The following WRN variants were observed in gnomAD, a reference collection of about 807,000 sequenced individuals.
WRN encodes the protein WRN RecQ like helicase, also known as bifunctional 3'-5' exonuclease/ATP-dependent helicase WRN.
A neutral mutation model predicts 180.7 loss-of-function variants in WRN; 149 were observed. That is an observed-to-expected ratio of 0.82 (90% CI 0.72 to 0.94). The LOEUF (loss-of-function observed/expected upper bound fraction) is 0.94. WRN is among the 40% of genes least tolerant of loss of function. WRN has a pLI of 0.00. For synonymous variants in WRN, 548 were observed against 568.9 expected, an observed-to-expected ratio of 0.96 and a Z score of 0.52; for missense variants, 1,661 against 1,700.1, an observed-to-expected ratio of 0.98 and a Z score of 0.40.
chr8:31,074,626 G>A (rs1277773716), intron 7 of WRN, among the ~76,000 whole-genome samples: 1 of 152,118 alleles, frequency 6.6e-6, no homozygotes, highest in Non-Finnish European at 1.5e-5. Context: ...TGTCATCATC[G>A]ATGTGTTTAT....
chr8:31,058,650 G>A, intron 2 of WRN, 107 bp downstream of exon 2: 2 of 1,161,662 alleles, frequency 1.7e-6, no homozygotes, highest in Non-Finnish European at 2.5e-6. Flanking sequence ...TTAGGTCAGA[G>A]TTGCTGTTGT....
chr8:31,054,761 C>T (rs563436546), intron 1 of WRN, among the ~76,000 whole-genome samples: 1 of 152,088 alleles, frequency 6.6e-6, no homozygotes, highest in African/African-American at 2.4e-5. Context: ...ATTTTAAGTT[C>T]CAGGATACAT....
chr8:31,131,187 T>C (rs1390862049), intron 23 of WRN, among the ~76,000 whole-genome samples: 4 of 55,912 alleles, frequency 7.2e-5, no homozygotes, highest in Non-Finnish European at 1.1e-4. Flanking sequence ...AGTTTTGCTC[T>C]TGTCACCCAG....
At chr8:31,165,264 G>T (rs953517962) in intron 33 of WRN, among the ~76,000 whole-genome samples, 1 of 151,860 alleles carries the variant, frequency 6.6e-6, no homozygotes, top group African/African-American at 2.4e-5. Context: ...ATAGTATGAA[G>T]AAATTAATCA....
intron 1 of WRN, among the ~76,000 whole-genome samples, chr8:31,042,983 C>T (rs1811715151): frequency 6.6e-6 from 1 of 152,176 alleles, no homozygotes; most frequent in African/African-American, 2.4e-5. Flanking sequence ...ATCCTGTCAA[C>T]AAGAGTGTCT....
rs1060500069 is a variant in WRN at position 31,096,791 on chromosome 8, T to A, written c.1922T>A (p.Val641Glu). 2 of 1,612,834 alleles carry A rather than the reference T, an allele frequency of 1.2e-6. No individual in the cohort carries two copies. Among genetic ancestry groups the A allele is most frequent in the African/African-American group, 2.7e-5 (2 of 74,970 alleles). ...IKLGKYRIVYVTPEYCSGNMG... is the reference protein window; with the variant it reads ...IKLGKYRIVYETPEYCSGNMG... ...AGAGGTAAATACCGGATTGTATACG[T>A]AACTCCAGAATACTGTTCAGGTAAC... Residue 641 changes from valine to glutamate, a missense_variant, in exon 17 of 35, where the codon GTA becomes GAA. Around this residue, in one of 3 missense-constraint regions of WRN, gnomAD observed 1,141 missense variants for 1,149.4 expected, o/e 0.99. Coordinates refer to ENST00000298139, the MANE Select transcript of WRN (RefSeq NM_000553.6).
At chr8:31,067,345 A>C (rs1008491153) in intron 6 of WRN, among the ~76,000 whole-genome samples, 163 bp downstream of exon 6, 3 of 152,186 alleles carry the variant, frequency 2.0e-5, no homozygotes, top group African/African-American at 7.2e-5. Flanking sequence ...GAAACTATTC[A>C]TTTTCGATAT....
At chr8:31,108,051 T>C (rs957485144) in intron 18 of WRN, among the ~76,000 whole-genome samples, 3 of 152,246 alleles carry the variant, frequency 2.0e-5, no homozygotes, top group Non-Finnish European at 2.9e-5. Flanking sequence ...GGGATACTTA[T>C]ACTTTTCTCA....
chr8:31,091,090 T>C (rs1374998483), intron 15 of WRN, 148 bp downstream of exon 15: 6 of 720,298 alleles, frequency 8.3e-6, no homozygotes, highest in Admixed American at 2.0e-5. Context: ...AATGACCCTT[T>C]AGTGGAAGAG....
At position 31,090,917 on chromosome 8, in the gene WRN, A is replaced by T. The variant is rs1343522586; in HGVS notation, c.1804A>T (p.Met602Leu). 2 of 1,612,710 alleles carry T rather than the reference A, an allele frequency of 1.2e-6. No homozygotes were observed. Among genetic ancestry groups the T allele is most frequent in the Non-Finnish European group, 1.7e-6 (2 of 1,179,150 alleles). The change falls in exon 15 of 35, where the codon ATG becomes TTG. Residue 602 changes from methionine (M) to leucine (L), a missense_variant. Met to Leu is a conservative substitution (Grantham distance 15). Transcript: ENST00000298139. ...TGTTATCTCTCCCCTTATTTCTCTG[A>T]TGGAAGACCAAGTGCTACAGCTTAA... ...GLVISPLISL[M>L]EDQVLQLKMS...
intron 20 of WRN, 135 bp from the exon 21 acceptor site, chr8:31,120,108 G>A (rs1801665775): frequency 9.7e-7 from 1 of 1,027,146 alleles, no homozygotes; most frequent in African/African-American, 1.6e-5. Context: ...TAAATGATTG[G>A]TTGAAATCAC....
chr8:31,109,282 A>G (rs980086330), intron 18 of WRN, among the ~76,000 whole-genome samples: 1 of 152,232 alleles, frequency 6.6e-6, no homozygotes, highest in Non-Finnish European at 1.5e-5. Context: ...GTTTAGTAGT[A>G]ACGAAGTACT....
chr8:31,133,612 T>G (rs576573101), intron 24 of WRN, among the ~76,000 whole-genome samples: 1 of 152,316 alleles, frequency 6.6e-6, no homozygotes, highest in South Asian at 2.1e-4. Context: ...TGATTTTTCA[T>G]GTACTGATGT....
intron 33 of WRN, among the ~76,000 whole-genome samples, chr8:31,160,198 C>T (rs994848828): frequency 6.6e-6 from 1 of 152,212 alleles, no homozygotes; most frequent in Non-Finnish European, 1.5e-5. Context: ...CTGATGATAA[C>T]TTCCCGTGCA....
chr8:31,071,072 G>C (rs112119076), intron 7 of WRN, among the ~76,000 whole-genome samples: 3,354 of 150,760 alleles, frequency 0.022, 114 homozygotes, highest in African/African-American at 0.075. Context: ...AAGTTAGCTA[G>C]CTGAAGAGTA....
chr8:31,086,776 C>T (rs1813547950), intron 11 of WRN, among the ~76,000 whole-genome samples: 1 of 152,206 alleles, frequency 6.6e-6, no homozygotes, highest in African/African-American at 2.4e-5. Context: ...GTGTTTAATA[C>T]ATATTAGCTA....
chr8:31,155,777 A>G lies in WRN; in HGVS notation c.3819+1022A>G, dbSNP rs147864455. 6.9e-3 allele frequency among the ~76,000 whole-genome samples: 1,049 copies of G among 152,280 alleles called. 18 individuals are homozygous for G. The highest frequency in any genetic ancestry group is 0.023 in the African/African-American group (956 of 41,544). On this transcript the variant is annotated intron_variant, in intron 32 of 34. Coordinates refer to ENST00000298139, the MANE Select transcript of WRN (RefSeq NM_000553.6). ...ACAGTTGAGTTTAATTTGAGTTCAC[A>G]TCCTGTTGACATTAAGTTGATTTGG...
chr8:31,098,188 G>A (rs899786333), intron 17 of WRN, among the ~76,000 whole-genome samples: 1 of 152,018 alleles, frequency 6.6e-6, no homozygotes, highest in African/African-American at 2.4e-5. Context: ...GCCTTTAATG[G>A]ACAATGAATT....
chr8:31,082,507 C>G (rs1009263839), intron 9 of WRN, among the ~76,000 whole-genome samples: 2 of 152,100 alleles, frequency 1.3e-5, no homozygotes, highest in African/African-American at 2.4e-5. Flanking sequence ...TTGCTAACAT[C>G]TGCATTTCCC....
Sources: allele counts gnomAD v4.1 joint callset (sites outside exome capture counted in the v4.1 genomes callset), GRCh38; gene constraint gnomAD v4.1.1; regional missense constraint gnomAD v4.1.1; transcripts MANE v1.5; gene names NCBI Gene and HGNC (gene_info 2026-07-23, HGNC 2026-07-21).